SHROOM2: variants seen among roughly 807,000 people sequenced by gnomAD.
SHROOM2 encodes the protein shroom family member 2.
Under a neutral mutation model 75.9 loss-of-function variants are expected in SHROOM2, and 33 were observed. That is an observed-to-expected ratio of 0.43 (90% confidence interval 0.33 to 0.58). The LOEUF (loss-of-function observed/expected upper bound fraction) is 0.58, where lower values mean the gene tolerates loss of function less well. SHROOM2 is among the 20% of genes least tolerant of loss of function. The pLI, the probability that SHROOM2 is intolerant of heterozygous loss-of-function variation, is 0.04. For synonymous variants in SHROOM2, 655 were observed against 663.6 expected (o/e 0.99, Z 0.20); for missense variants, 1,434 against 1,461.2 (o/e 0.98, Z 0.30).
chrX:9,812,757 GGA>G (rs1470426845), intron 1 of SHROOM2, among the ~76,000 whole-genome samples: 15 of 112,286 alleles, frequency 1.3e-4, no homozygotes, highest in African/African-American at 4.9e-4. Context: ...ACACAAAGCT[GGA>G]GAGGTGATAT....
At chrX:9,911,028 T>C (rs2084421798) in intron 5 of SHROOM2, among the ~76,000 whole-genome samples, 1 of 110,484 alleles carries the variant, frequency 9.1e-6, no homozygotes, top group South Asian at 3.9e-4. Flanking sequence ...TGCTGTTCCG[T>C]GTGTGGCCTG....
intron 2 of SHROOM2, among the ~76,000 whole-genome samples, chrX:9,882,178 C>CTTTT (rs386416608): frequency 0.039 from 2,785 of 70,875 alleles, 179 homozygotes; most frequent in Non-Finnish European, 0.053. Context: ...TCCCTTGTTG[C>CTTTT]TTTTTTTTTT....
chrX:9,813,086 G>A (rs1244871509), intron 1 of SHROOM2, among the ~76,000 whole-genome samples: 2 of 112,142 alleles, frequency 1.8e-5, no homozygotes, highest in Non-Finnish European at 3.8e-5. Flanking sequence ...GTCCTTGATG[G>A]TGACATTAAT....
chrX:9,818,631 G>T, intron 1 of SHROOM2: 1 of 336,905 alleles, frequency 3.0e-6, no homozygotes, highest in South Asian at 3.4e-5. Context: ...AAGAAATGGT[G>T]CCTGTATTTC....
At chrX:9,837,938 G>A (rs763658636) in intron 1 of SHROOM2, among the ~76,000 whole-genome samples, 2 of 111,340 alleles carry the variant, frequency 1.8e-5, no homozygotes, top group Non-Finnish European at 3.8e-5. Flanking sequence ...CTGGGGCATC[G>A]GGGTCACCAT....
chrX:9,930,521 A>AAAAGAAAG (rs527400882), intron 5 of SHROOM2, among the ~76,000 whole-genome samples: 6 of 107,660 alleles, frequency 5.6e-5, no homozygotes, highest in Non-Finnish European at 1.2e-4. Flanking sequence ...AAAAAAAAAG[A>AAAAGAAAG]AAAGAAAGAA....
intron 1 of SHROOM2, among the ~76,000 whole-genome samples, chrX:9,817,517 G>A (rs758610786): frequency 6.3e-5 from 7 of 111,789 alleles, no homozygotes; most frequent in South Asian, 7.4e-4. Context: ...CTCACCCAAC[G>A]TGCAGTGCAC....
intron 1 of SHROOM2, among the ~76,000 whole-genome samples, chrX:9,843,678 GGCGTGAGCCACTGC>G (rs2083991326): frequency 8.9e-6 from 1 of 112,669 alleles, no homozygotes; most frequent in African/African-American, 3.2e-5. Context: ...TGGGATTACA[GGCGTGAGCCACTGC>G]GCCCGGCCCA....
intron 5 of SHROOM2, among the ~76,000 whole-genome samples, chrX:9,922,265 C>T (rs1264860832): frequency 9.0e-6 from 1 of 111,486 alleles, no homozygotes; most frequent in Admixed American, 9.5e-5. Flanking sequence ...TGCTATGTTG[C>T]CCAGGCTGGT....
At position 9,896,224 on chromosome X, in the gene SHROOM2, G is replaced by A. The variant is rs774364564; in HGVS notation, c.2316G>A (p.Val772=). 7 of 1,210,614 alleles carry A rather than the reference G, an allele frequency of 5.8e-6. No individual in the cohort carries two copies. The highest frequency in any genetic ancestry group is 4.4e-5 in the Admixed American group (2 of 45,951). ...CGGAACCTGAGAAGATGAACGAGGT[G>A]GGCCTCACGAGGGGCTACAGTCCTC... The part of the protein sequence containing the change: ...SYSEPEKMNE[V]GLTRGYSPHQ... The change falls in exon 4 of 10, where the codon GTG becomes GTA. Residue 772 remains valine (V), a synonymous_variant. Coordinates refer to ENST00000380913, the MANE Select transcript of SHROOM2 (RefSeq NM_001649.4).
At chrX:9,879,914 A>T (rs753372121) in intron 2 of SHROOM2, among the ~76,000 whole-genome samples, 1 of 112,347 alleles carries the variant, frequency 8.9e-6, no homozygotes, top group Admixed American at 9.4e-5. Context: ...TATCGGTTCC[A>T]CAAATGATGT....
At chrX:9,902,956 G>C (rs929046844) in intron 5 of SHROOM2, among the ~76,000 whole-genome samples, 1 of 112,005 alleles carries the variant, frequency 8.9e-6, no homozygotes, top group Non-Finnish European at 1.9e-5. Flanking sequence ...AAGAAAGAGA[G>C]TATATCCTAA....
intron 5 of SHROOM2, among the ~76,000 whole-genome samples, chrX:9,925,183 G>A (rs767973002): frequency 1.8e-5 from 2 of 111,838 alleles, no homozygotes; most frequent in Non-Finnish European, 3.8e-5. Context: ...CTCCCCAAGG[G>A]TGTGTGTCTG....
chrX:9,823,060 CT>C (rs2083864530), intron 1 of SHROOM2, among the ~76,000 whole-genome samples: 1 of 65,022 alleles, frequency 1.5e-5, no homozygotes, highest in Non-Finnish European at 3.3e-5. Flanking sequence ...CCTCCTCCTC[CT>C]CCTCCTCCTC....
chrX:9,925,139 G>T (rs2084582361), intron 5 of SHROOM2, among the ~76,000 whole-genome samples: 1 of 112,150 alleles, frequency 8.9e-6, no homozygotes, highest in African/African-American at 3.2e-5. Flanking sequence ...CCTTTGTGGA[G>T]TGCTGTGTTG....
At position 9,819,339 on chromosome X, in the gene SHROOM2, G is replaced by T. The variant is rs2083839710; in HGVS notation, c.165+32629G>T. On this transcript the variant is annotated intron_variant, in intron 1 of 9. Coordinates refer to ENST00000380913, the MANE Select transcript of SHROOM2 (RefSeq NM_001649.4). ...GGGATACCTTGGAGGCCAATTAAGC[G>T]CCTTTGCAGTGTCAGTCATGTTGAC... 6.1e-6 allele frequency: 3 copies of T among 495,525 alleles called. No homozygotes were observed. In the Admixed American group the frequency reaches 9.5e-5, roughly 16 times the overall value. The allele number at this position is 495,525 out of a possible 1,213,427, so 40.8% of individuals were successfully genotyped here. A position where few individuals can be genotyped will look rare whatever the true frequency, so the allele number is the denominator to read the frequency against.
intron 5 of SHROOM2, chrX:9,912,835 G>A (rs1367025841): frequency 3.6e-5 from 4 of 112,423 alleles, no homozygotes; most frequent in Non-Finnish European, 7.5e-5. Context: ...GCAAATCAGG[G>A]TGCAGATTCC....
At chrX:9,926,261 G>A (rs2084593205) in intron 5 of SHROOM2, among the ~76,000 whole-genome samples, 2 of 111,983 alleles carry the variant, frequency 1.8e-5, no homozygotes, top group East Asian at 2.8e-4. Flanking sequence ...GTGTCTGCCC[G>A]GGGAAACCTC....
In SHROOM2 at chrX:9,818,902, G is replaced by A. The variant is rs1202281005; in HGVS notation, c.165+32192G>A. 20 of 543,603 alleles carry A rather than the reference G, an allele frequency of 3.7e-5. No homozygotes were observed. The Admixed American group carries it at 4.9e-4, about 13-fold the overall frequency. The allele number at this position is 543,603 out of a possible 1,213,427, so 44.8% of individuals were successfully genotyped here. On this transcript the variant is annotated intron_variant, in intron 1 of 9. Coordinates refer to ENST00000380913, the MANE Select transcript of SHROOM2 (RefSeq NM_001649.4). ...TCTGCACCTTTGAGCTTCCTCAGTTGTATCTTCCCCCCAGTCATCCTCCTC... is the reference window on the plus strand; with the variant it reads ...TCTGCACCTTTGAGCTTCCTCAGTTATATCTTCCCCCCAGTCATCCTCCTC...
Sources: allele counts gnomAD v4.1 joint callset (sites outside exome capture counted in the v4.1 genomes callset), GRCh38; gene constraint gnomAD v4.1.1; transcripts MANE v1.5; gene names NCBI Gene and HGNC (gene_info 2026-07-23, HGNC 2026-07-21).